The following IL1RAPL1 variants were observed in gnomAD, a reference collection of about 807,000 sequenced individuals.
IL1RAPL1 encodes interleukin 1 receptor accessory protein like 1, also known as interleukin-1 receptor accessory protein-like 1.
Under a neutral mutation model 48.4 loss-of-function variants are expected in IL1RAPL1, and 3 were observed. The ratio of observed to expected loss-of-function variants is 0.06; its 90% CI spans 0.03 to 0.16. The LOEUF is 0.16. Ranked by LOEUF, IL1RAPL1 falls within the 10% of genes least tolerant of loss-of-function variation. The pLI, the probability that IL1RAPL1 is intolerant of heterozygous loss-of-function variation, is 1.00. For missense variants in IL1RAPL1, 349 were observed against 530.6 expected (o/e 0.66, Z 3.36); for synonymous variants, 185 against 187.7 (o/e 0.99, Z 0.12).
At chrX:29,347,493 A>G (rs1383028795) in intron 3 of IL1RAPL1, among the ~76,000 whole-genome samples, 4 of 106,937 alleles carry the variant, frequency 3.7e-5, no homozygotes, top group Non-Finnish European at 5.8e-5. Context: ...AGCTCAAGCA[A>G]TCCTCCCACA....
chrX:28,684,188 A>G (rs1312627731), intron 1 of IL1RAPL1, among the ~76,000 whole-genome samples: 1 of 112,328 alleles, frequency 8.9e-6, no homozygotes, highest in African/African-American at 3.2e-5. Flanking sequence ...ATGGCACCTT[A>G]TATTTGTTAT....
In IL1RAPL1 at chrX:28,783,812, G is replaced by A. The variant is rs754721169; in HGVS notation, c.-24-5508G>A. 2.7e-5 allele frequency among the ~76,000 whole-genome samples: 3 copies of A among 111,219 alleles called. No homozygotes were observed. In the South Asian group the frequency reaches 1.1e-3, roughly 42 times the overall value. On this transcript the variant is annotated intron_variant, in intron 1 of 10. Coordinates refer to ENST00000378993, the MANE Select transcript of IL1RAPL1 (RefSeq NM_014271.4). The stretch of plus-strand genomic sequence containing the variant: ...AGTCAGCCCAATGCCACCCTCTTCT[G>A]TGAATGTTTTCATGACCTATCCAGG...
At chrX:29,001,455 G>A (rs761708922) in intron 2 of IL1RAPL1, among the ~76,000 whole-genome samples, 2 of 111,368 alleles carry the variant, frequency 1.8e-5, no homozygotes, top group South Asian at 7.6e-4. Context: ...CCACATATCC[G>A]TCATGGTGAC....
chrX:28,728,937 C>T (rs1484727707), intron 1 of IL1RAPL1, among the ~76,000 whole-genome samples: 4 of 110,969 alleles, frequency 3.6e-5, no homozygotes, highest in Non-Finnish European at 7.6e-5. Context: ...AGTCTTTTTC[C>T]TTAAAGAAAA....
intron 2 of IL1RAPL1, among the ~76,000 whole-genome samples, chrX:29,228,119 G>A (rs1420916674): frequency 9.5e-6 from 1 of 105,556 alleles, no homozygotes; most frequent in Non-Finnish European, 1.9e-5. Flanking sequence ...CTAGAACCTT[G>A]CGAGCCATTC....
At chrX:28,837,531 C>CTAT (rs1921252352) in intron 2 of IL1RAPL1, among the ~76,000 whole-genome samples, 1 of 109,344 alleles carries the variant, frequency 9.1e-6, no homozygotes, top group Non-Finnish European at 1.9e-5. Context: ...GATAGATGGG[C>CTAT]AATACCGTTC....
chrX:29,531,231 T>C (rs1037532743), intron 5 of IL1RAPL1, among the ~76,000 whole-genome samples: 2 of 110,777 alleles, frequency 1.8e-5, no homozygotes, highest in Non-Finnish European at 3.8e-5. Flanking sequence ...CTACCTGTTC[T>C]TGAAAATGAC....
chrX:29,322,098 G>A (rs1168719293), intron 3 of IL1RAPL1, among the ~76,000 whole-genome samples: 2 of 109,843 alleles, frequency 1.8e-5, no homozygotes, highest in African/African-American at 6.6e-5. Flanking sequence ...CCAAGTTCAT[G>A]GAGTTGCTTT....
intron 2 of IL1RAPL1, among the ~76,000 whole-genome samples, chrX:28,919,267 A>G (rs1923560710): frequency 9.0e-6 from 1 of 111,662 alleles, no homozygotes. Flanking sequence ...TCTGACTGTG[A>G]TCTGTTCACT....
At chrX:29,109,611 T>G (rs1425005939) in intron 2 of IL1RAPL1, among the ~76,000 whole-genome samples, 2 of 111,348 alleles carry the variant, frequency 1.8e-5, no homozygotes, top group African/African-American at 6.5e-5. Flanking sequence ...GACAGAGCAC[T>G]GCTGTCTCTT....
At position 29,391,926 on chromosome X, in the gene IL1RAPL1, T is replaced by C. The variant is rs7064809; in HGVS notation, c.363-4332T>C. The stretch of plus-strand genomic sequence containing the variant: ...TTGACTTCTTTCAGCATTGGGTCCC[T>C]TTGCTGTAACATGAAGACATTGAAA... On this transcript the variant is annotated intron_variant, in intron 3 of 10. Coordinates refer to ENST00000378993, the MANE Select transcript of IL1RAPL1 (RefSeq NM_014271.4). Among the ~76,000 whole-genome samples, 716 of 112,178 alleles carry C rather than the reference T, an allele frequency of 6.4e-3. 4 individuals carry two copies. Among genetic ancestry groups the C allele is most frequent in the African/African-American group, 0.022 (670 of 30,886 alleles).
chrX:29,731,732 G>A (rs187221770), intron 6 of IL1RAPL1, among the ~76,000 whole-genome samples: 55 of 112,159 alleles, frequency 4.9e-4, no homozygotes, highest in African/African-American at 1.7e-3. Context: ...GAGCTGGAGG[G>A]GAGTTCTGTC....
At chrX:29,267,088 A>C (rs1262652194) in intron 2 of IL1RAPL1, among the ~76,000 whole-genome samples, 1 of 111,456 alleles carries the variant, frequency 9.0e-6, no homozygotes, top group Non-Finnish European at 1.9e-5. Flanking sequence ...AGGACCACAA[A>C]CTCTATGTTC....
chrX:29,739,712 A>G (rs1002219351), intron 6 of IL1RAPL1, among the ~76,000 whole-genome samples: 2 of 111,452 alleles, frequency 1.8e-5, no homozygotes, highest in African/African-American at 6.5e-5. Context: ...TTGCAAATTT[A>G]GAGTACCTTG....
intron 2 of IL1RAPL1, among the ~76,000 whole-genome samples, chrX:29,221,610 TACACACACATACACACACAC>T (rs1157047395): frequency 4.9e-5 from 3 of 61,807 alleles, no homozygotes; most frequent in Non-Finnish European, 6.2e-5. Flanking sequence ...GAGCAATGTA[TACACACACATACACACACAC>T]ACACACACAC....
intron 1 of IL1RAPL1, among the ~76,000 whole-genome samples, chrX:28,644,119 T>TTA (rs72301174): frequency 2.4e-4 from 26 of 109,947 alleles, no homozygotes; most frequent in African/African-American, 3.3e-4. Flanking sequence ...CTCCTAAGTG[T>TTA]TATATATATA....
Position 29,660,886 on chromosome X carries a change from T to C in IL1RAPL1, c.704-7544T>C, listed in dbSNP as rs919450785. On this transcript the variant is annotated intron_variant, in intron 5 of 10. Coordinates refer to ENST00000378993, the MANE Select transcript of IL1RAPL1 (RefSeq NM_014271.4). ...GTGAAAAATGACATTAGTACTTTGA[T>C]AGGGATTGCAATGAATCTGTCAATT... 2.7e-5 allele frequency among the ~76,000 whole-genome samples: 3 copies of C among 112,146 alleles called. No individual in the cohort carries two copies. The East Asian group carries it at 8.3e-4, about 31-fold the overall frequency.
At chrX:29,833,868 T>C (rs1052908921) in intron 6 of IL1RAPL1, among the ~76,000 whole-genome samples, 3 of 111,691 alleles carry the variant, frequency 2.7e-5, no homozygotes, top group Non-Finnish European at 5.6e-5. Flanking sequence ...CCCTTAAACA[T>C]GTGCAAATAG....
rs909886144 is a variant in IL1RAPL1, at chrX:29,437,747, C to T, written c.703+38439C>T. Among the ~76,000 whole-genome samples the T allele has an allele frequency of 1.6e-4, 18 of 110,357 alleles. No individual in the cohort carries two copies. The Admixed American group carries it at 1.6e-3, about 10-fold the overall frequency. On this transcript the variant is annotated intron_variant, in intron 5 of 10. Coordinates refer to ENST00000378993, the MANE Select transcript of IL1RAPL1 (RefSeq NM_014271.4). ...CACTAATTTTCAATTATTGAACCAG[C>T]CTTCCATCCTAAGAATAAACTCCAC...
Sources: allele counts gnomAD v4.1 joint callset (sites outside exome capture counted in the v4.1 genomes callset), GRCh38; gene constraint gnomAD v4.1.1; transcripts MANE v1.5; gene names NCBI Gene and HGNC (gene_info 2026-07-23, HGNC 2026-07-21).